ANO4: variants seen among roughly 807,000 people sequenced by gnomAD.
ANO4 encodes the protein anoctamin 4, also known as anoctamin-4.
ANO4 carries 69 observed loss-of-function variants against 141.9 expected under a neutral mutation model. The ratio of observed to expected loss-of-function variants is 0.49; its 90% CI spans 0.40 to 0.59. The LOEUF is 0.59. Among genes scored for constraint, ANO4 ranks in the 20% least tolerant of loss-of-function variants. The pLI is 0.00. For missense variants in ANO4, 894 were observed against 1,162.2 expected, an observed-to-expected ratio of 0.77 and a Z score of 3.36; for synonymous variants, 350 against 394.3, an observed-to-expected ratio of 0.89 and a Z score of 1.33.
At chr12:100,831,505 GA>G (rs34125507) in intron 1 of ANO4, among the ~76,000 whole-genome samples, 27,572 of 151,948 alleles carry the variant, frequency 0.18, 2,958 homozygotes, top group Middle Eastern at 0.29. Context: ...TCCACCTGTG[GA>G]AAAATAATTA....
At chr12:100,997,620 C>T (rs2045448157) in intron 8 of ANO4, among the ~76,000 whole-genome samples, 1 of 151,960 alleles carries the variant, frequency 6.6e-6, no homozygotes, top group African/African-American at 2.4e-5. Flanking sequence ...ATTTGCAGGC[C>T]TCAGTGGCCT....
intron 15 of ANO4, among the ~76,000 whole-genome samples, chr12:101,082,225 G>C (rs1405090417): frequency 6.6e-6 from 1 of 152,128 alleles, no homozygotes; most frequent in Non-Finnish European, 1.5e-5. Context: ...GTTTTATAAA[G>C]GGGACATCCC....
chr12:100,800,434 C>T (rs1677491925), intron 1 of ANO4, among the ~76,000 whole-genome samples: 1 of 152,216 alleles, frequency 6.6e-6, no homozygotes, highest in Admixed American at 6.5e-5. Context: ...TTCACAATTT[C>T]TCAAAGAATC....
At position 100,862,806 on chromosome 12, in the gene ANO4, T is replaced by G. The variant is rs148571853; in HGVS notation, c.-140-38840T>G. Among the ~76,000 whole-genome samples, 525 of 152,318 alleles carry G rather than the reference T, an allele frequency of 3.4e-3. 3 individuals carry two copies. Among genetic ancestry groups the G allele is most frequent in the Admixed American group, 8.6e-3 (132 of 15,296 alleles). ...ATAGGAATTTTCCACTTCGGTATAA[T>G]GTCATGGGATCACCATCATATATGT... is the stretch of plus-strand genomic sequence containing the variant. On this transcript the variant is annotated intron_variant, in intron 1 of 27. Transcript: ENST00000392977.
intron 1 of ANO4, among the ~76,000 whole-genome samples, chr12:100,729,360 C>CA (rs1156522144): frequency 0.056 from 1,258 of 22,510 alleles, 196 homozygotes; most frequent in East Asian, 0.21. Flanking sequence ...AACTCTGTCT[C>CA]AAAAAAAAAA....
intron 1 of ANO4, among the ~76,000 whole-genome samples, chr12:100,811,338 A>C (rs2035424081): frequency 6.6e-6 from 1 of 152,194 alleles, no homozygotes; most frequent in South Asian, 2.1e-4. Flanking sequence ...TGGAGACTTG[A>C]GTCAGGCTAG....
At chr12:100,857,766 C>G (rs994091509) in intron 1 of ANO4, among the ~76,000 whole-genome samples, 2 of 152,116 alleles carry the variant, frequency 1.3e-5, no homozygotes, top group African/African-American at 4.8e-5. Flanking sequence ...CTCTGAAGCC[C>G]TCTGAATTTG....
intron 1 of ANO4, among the ~76,000 whole-genome samples, chr12:100,860,216 C>T (rs2038398999): frequency 6.6e-6 from 1 of 152,124 alleles, no homozygotes; most frequent in Non-Finnish European, 1.5e-5. Context: ...GCATCGTGAC[C>T]ACCTTTCCAC....
chr12:100,785,333 A>G (rs567867763), intron 3 of ANO4, among the ~76,000 whole-genome samples: 1 of 152,318 alleles, frequency 6.6e-6, no homozygotes, highest in Non-Finnish European at 1.5e-5. Flanking sequence ...AAAGACATGC[A>G]TCCACCATCA....
intron 14 of ANO4, among the ~76,000 whole-genome samples, chr12:101,048,666 A>G (rs2047736226): frequency 1.3e-5 from 2 of 152,222 alleles, no homozygotes; most frequent in South Asian, 2.1e-4. Flanking sequence ...GGACACAGAA[A>G]TAAAGCTTAT....
At chr12:100,718,343 A>G (rs1206127664) in intron 1 of ANO4, among the ~76,000 whole-genome samples, 1 of 152,208 alleles carries the variant, frequency 6.6e-6, no homozygotes, top group African/African-American at 2.4e-5. Context: ...AGACTTGGTT[A>G]TAGGAAGCAG....
chr12:100,798,692 A>G (rs1290863119), intron 1 of ANO4, among the ~76,000 whole-genome samples: 2 of 152,202 alleles, frequency 1.3e-5, no homozygotes, highest in African/African-American at 2.4e-5. Flanking sequence ...TTTGGAGGAG[A>G]ACCAAATCAC....
chr12:100,737,293 G>A (rs2031657536), intron 2 of ANO4, among the ~76,000 whole-genome samples: 1 of 152,146 alleles, frequency 6.6e-6, no homozygotes, highest in Non-Finnish European at 1.5e-5. Flanking sequence ...TGGCTGCAGG[G>A]TTTCAGGAAT....
chr12:100,750,887 TG>T (rs1334948349), intron 3 of ANO4, among the ~76,000 whole-genome samples: 1 of 152,130 alleles, frequency 6.6e-6, no homozygotes, highest in African/African-American at 2.4e-5. Flanking sequence ...GAGCCAGAGA[TG>T]TGCATGCAAG....
At chr12:100,772,607 T>G (rs2033346401) in intron 3 of ANO4, among the ~76,000 whole-genome samples, 2 of 152,186 alleles carry the variant, frequency 1.3e-5, no homozygotes. Flanking sequence ...GCTAATTGAT[T>G]GCAAAATTTT....
intron 2 of ANO4, among the ~76,000 whole-genome samples, chr12:100,738,156 T>G (rs899107972): frequency 6.6e-5 from 10 of 152,170 alleles, no homozygotes; most frequent in African/African-American, 2.4e-4. Context: ...TTCTTCACAA[T>G]TTTGGGTTCA....
chr12:100,857,631 T>C (rs572419938), intron 1 of ANO4, among the ~76,000 whole-genome samples: 103 of 152,278 alleles, frequency 6.8e-4, no homozygotes, highest in Non-Finnish European at 1.2e-3. Context: ...TTTGAGATTC[T>C]CTGGGTTCAG....
At chr12:100,860,021 C>G (rs1284678528) in intron 1 of ANO4, among the ~76,000 whole-genome samples, 1 of 151,950 alleles carries the variant, frequency 6.6e-6, no homozygotes, top group African/African-American at 2.4e-5. Context: ...ACATTTCAAC[C>G]CCTTGGTAGC....
chr12:100,932,739 G>T (rs11110589), intron 3 of ANO4, among the ~76,000 whole-genome samples: 3,343 of 152,100 alleles, frequency 0.022, 129 homozygotes, highest in African/African-American at 0.076. Flanking sequence ...TTTCTGCTCT[G>T]CCTCCATCCT....
Sources: allele counts gnomAD v4.1 joint callset (sites outside exome capture counted in the v4.1 genomes callset), GRCh38; gene constraint gnomAD v4.1.1; transcripts MANE v1.5; gene names NCBI Gene and HGNC (gene_info 2026-07-23, HGNC 2026-07-21).